YIPF1: variants seen among roughly 807,000 people sequenced by gnomAD.
The protein encoded by YIPF1 is Yip1 domain family member 1.
Under a neutral mutation model 37.0 loss-of-function variants are expected in YIPF1, and 22 were observed. The observed-to-expected ratio is 0.59, with a 90% CI of 0.42 to 0.85. The LOEUF (loss-of-function observed/expected upper bound fraction) is 0.85, where lower values mean the gene tolerates loss of function less well. YIPF1 is among the 40% of genes least tolerant of loss of function. The probability of loss-of-function intolerance (pLI) is 0.00; values close to 1 mark genes in which losing one functional copy is unlikely to be tolerated. For synonymous variants in YIPF1, 128 were observed against 131.9 expected, an observed-to-expected ratio of 0.97 and a Z score of 0.21; for missense variants, 355 against 373.1, an observed-to-expected ratio of 0.95 and a Z score of 0.40.
chr1:53,866,284 A>G lies in YIPF1; in HGVS notation c.747T>C (p.Ala249=), dbSNP rs1650021402. The G allele has an allele frequency of 6.2e-7, 1 of 1,614,098 alleles. No individual in the cohort carries two copies. The change falls in exon 9 of 11, where the codon GCT becomes GCC. Residue 249 remains alanine (A), a synonymous_variant. Coordinates refer to ENST00000072644, the MANE Select transcript of YIPF1 (RefSeq NM_018982.5). ...GSLLAMTFWP[A]VREDNRRVAL... The stretch of plus-strand genomic sequence containing the variant: ...CAACGCGTCGGTTATCCTCACGAAC[A>G]GCTGGCCAAAATGTCATTGCCAAGA...
chr1:53,857,354 C>T (rs184226591), intron 10 of YIPF1, among the ~76,000 whole-genome samples: 8 of 152,180 alleles, frequency 5.3e-5, no homozygotes, highest in South Asian at 4.1e-4. Flanking sequence ...TAATACAGCA[C>T]GCAAACTCTC....
At chr1:53,867,326 A>G (rs112998536) in intron 7 of YIPF1, among the ~76,000 whole-genome samples, 3,779 of 149,854 alleles carry the variant, frequency 0.025, 172 homozygotes, top group African/African-American at 0.089. Flanking sequence ...TTGGAAGAAC[A>G]TGTTCTCTTC....
Position 53,878,651 on chromosome 1 carries a change from GTCCACA to G in YIPF1, c.261_266del (p.Val88_Asp89del), listed in dbSNP as rs969313804. The G allele has an allele frequency of 1.2e-6, 2 of 1,603,962 alleles. No individual in the cohort carries two copies. The highest frequency in any genetic ancestry group is 2.7e-5 in the African/African-American group (2 of 74,086). On this transcript the variant is annotated inframe_deletion, in exon 5 of 11. Transcript: ENST00000072644. ...AAATTGGTTTCCAAACCTGGTAGGT[GTCCACA>G]TCAAAGAATGTTTGGTAGTATTCAA...
In YIPF1 at chr1:53,866,289, G is replaced by A; in HGVS notation, c.742C>T (p.Pro248Ser). The A allele has an allele frequency of 6.2e-7, 1 of 1,614,142 alleles. No homozygotes were observed. The highest frequency in any genetic ancestry group is 1.1e-5 in the South Asian group (1 of 91,082). The change falls in exon 9 of 11, where the codon CCA becomes TCA. Residue 248 changes from proline to serine, a missense_variant. Transcript: ENST00000072644. ...SGSLLAMTFW[P>S]AVREDNRRVA... ...CGTCGGTTATCCTCACGAACAGCTG[G>A]CCAAAATGTCATTGCCAAGAGAGAT...
chr1:53,857,038 G>C (rs1649736414), intron 10 of YIPF1, among the ~76,000 whole-genome samples: 1 of 152,176 alleles, frequency 6.6e-6, no homozygotes, highest in African/African-American at 2.4e-5. Context: ...TTGATGAAGT[G>C]AGTGATCATA....
intron 10 of YIPF1, among the ~76,000 whole-genome samples, chr1:53,853,668 T>C (rs1649649819): frequency 6.6e-6 from 1 of 152,218 alleles, no homozygotes; most frequent in Non-Finnish European, 1.5e-5. Context: ...TGCCCAAGTC[T>C]ACTGGCTCAA....
At chr1:53,880,592 C>G (rs1174257418) in intron 4 of YIPF1, among the ~76,000 whole-genome samples, 1 of 152,036 alleles carries the variant, frequency 6.6e-6, no homozygotes, top group Non-Finnish European at 1.5e-5. Context: ...AAAAGAGAGC[C>G]CAAATAGTCA....
rs568808194 is a variant in YIPF1 at position 53,878,413 on chromosome 1, T to C, written c.277-11A>G. 2 of 1,611,948 alleles carry C rather than the reference T, an allele frequency of 1.2e-6. No homozygotes were observed. The highest frequency in any genetic ancestry group is 1.1e-5 in the South Asian group (1 of 90,280). On this transcript the variant is annotated splice_polypyrimidine_tract_variant and intron_variant, in intron 5 of 10. Coordinates refer to ENST00000072644, the MANE Select transcript of YIPF1 (RefSeq NM_018982.5). ...AATTCTGTCAAAGACCTGGAAAACA[T>C]CATAGCAGTAATTCTACTGAAGTTT...
chr1:53,854,710 G>A (rs1181094), intron 10 of YIPF1, among the ~76,000 whole-genome samples: 1 of 151,926 alleles, frequency 6.6e-6, no homozygotes, highest in African/African-American at 2.4e-5. Context: ...ACTGATCTCC[G>A]TTGTTCACCA....
chr1:53,861,549 G>A (rs750108987), intron 9 of YIPF1, among the ~76,000 whole-genome samples: 2 of 151,366 alleles, frequency 1.3e-5, no homozygotes, highest in Non-Finnish European at 2.9e-5. Context: ...ATGATCTTGG[G>A]GCTGGTGTGG....
In YIPF1 at chr1:53,866,186, G is replaced by C. The variant is rs370333454; in HGVS notation, c.831+14C>G. On this transcript the variant is annotated intron_variant, in intron 9 of 10. Coordinates refer to ENST00000072644, the MANE Select transcript of YIPF1 (RefSeq NM_018982.5). ...TATAAAACACACCAAAAGAATATAC[G>C]ACTGAACCCATACCAAGCAGCCCAC... 5.6e-6 allele frequency: 9 copies of C among 1,612,178 alleles called. No individual in the cohort carries two copies. The African/African-American group carries it at 9.4e-5, about 17-fold the overall frequency.
intron 10 of YIPF1, among the ~76,000 whole-genome samples, chr1:53,855,218 C>A (rs949113936): frequency 6.6e-6 from 1 of 151,646 alleles, no homozygotes; most frequent in African/African-American, 2.4e-5. Flanking sequence ...TTAATTAAAG[C>A]CCTGATCACA....
intron 7 of YIPF1, among the ~76,000 whole-genome samples, chr1:53,870,160 CTT>C (rs753978320): frequency 3.4e-4 from 31 of 91,198 alleles, no homozygotes; most frequent in African/African-American, 8.4e-4. Context: ...CACCGGGTCT[CTT>C]TTTTTTTTTT....
chr1:53,885,559 G>A (rs1005085149), intron 3 of YIPF1, among the ~76,000 whole-genome samples: 3 of 152,018 alleles, frequency 2.0e-5, no homozygotes, highest in Admixed American at 6.6e-5. Context: ...AGTGGCTCAC[G>A]CCTGTAATCC....
At chr1:53,888,798 G>T in intron 3 of YIPF1, 109 bp downstream of exon 3, 2 of 1,124,098 alleles carry the variant, frequency 1.8e-6, no homozygotes, top group Non-Finnish European at 2.5e-6. Flanking sequence ...CCACCAAGAT[G>T]TTTGAAATAA....
chr1:53,857,592 A>C (rs1216524788), intron 10 of YIPF1, among the ~76,000 whole-genome samples: 2 of 152,190 alleles, frequency 1.3e-5, no homozygotes, highest in African/African-American at 4.8e-5. Flanking sequence ...AGGTGATCTT[A>C]GTCAGCCCAG....
At chr1:53,887,369 T>C (rs1210244413) in intron 3 of YIPF1, among the ~76,000 whole-genome samples, 5 of 151,892 alleles carry the variant, frequency 3.3e-5, no homozygotes, top group Non-Finnish European at 2.9e-5. Flanking sequence ...TGTGAGCCAC[T>C]GCGCCCAGCC....
At position 53,865,027 on chromosome 1, in the gene YIPF1, C is replaced by T. The variant is rs554738707; in HGVS notation, c.831+1173G>A. ...GTCTTCAATCTGGGCTTATCTGACT[C>T]AAAAGCACATGCTCTCTCCCTAAAA... On this transcript the variant is annotated intron_variant, in intron 9 of 10. Transcript: ENST00000072644. 4.9e-4 allele frequency among the ~76,000 whole-genome samples: 75 copies of T among 152,282 alleles called. 2 individuals carry two copies. In the South Asian group the frequency reaches 0.015, roughly 31 times the overall value.
intron 7 of YIPF1, among the ~76,000 whole-genome samples, chr1:53,870,501 A>G (rs1650157136): frequency 6.6e-6 from 1 of 152,134 alleles, no homozygotes; most frequent in Non-Finnish European, 1.5e-5. Flanking sequence ...CAAAGTTGCT[A>G]ACAGAATAGG....
Sources: allele counts gnomAD v4.1 joint callset (sites outside exome capture counted in the v4.1 genomes callset), GRCh38; gene constraint gnomAD v4.1.1; transcripts MANE v1.5; gene names NCBI Gene and HGNC (gene_info 2026-07-23, HGNC 2026-07-21).